PLXNA4: variants seen among roughly 807,000 people sequenced by gnomAD.
PLXNA4 encodes the protein plexin A4.
In PLXNA4, 44 loss-of-function variants were observed where a neutral mutation model predicts 191.8. The ratio of observed to expected loss-of-function variants is 0.23; its 90% CI spans 0.18 to 0.29. The LOEUF (loss-of-function observed/expected upper bound fraction) is 0.29. PLXNA4 is among the 10% of genes least tolerant of loss of function. PLXNA4 has a pLI of 1.00. For synonymous variants in PLXNA4, 1,082 were observed against 1,009.5 expected (o/e 1.07, Z -1.36); for missense variants, 1,800 against 2,488.8 (o/e 0.72, Z 5.89).
chr7:132,274,840 T>A (rs552110917), intron 4 of PLXNA4, among the ~76,000 whole-genome samples: 2 of 141,402 alleles, frequency 1.4e-5, no homozygotes, highest in South Asian at 4.9e-4. Context: ...ACTCCTGGCC[T>A]CAACTAATCC....
At chr7:132,532,976 A>T (rs28648960) in intron 1 of PLXNA4, among the ~76,000 whole-genome samples, 198 of 152,310 alleles carry the variant, frequency 1.3e-3, no homozygotes, top group African/African-American at 4.5e-3. Flanking sequence ...GTAGGTTGTG[A>T]TGAGGAATAA....
intron 3 of PLXNA4, among the ~76,000 whole-genome samples, chr7:132,470,652 T>C (rs1428866492): frequency 6.6e-6 from 1 of 152,196 alleles, no homozygotes; most frequent in Non-Finnish European, 1.5e-5. Context: ...GGCACACTCA[T>C]ATCACATGAG....
At chr7:132,230,497 C>T (rs1798488772) in intron 5 of PLXNA4, among the ~76,000 whole-genome samples, 1 of 152,192 alleles carries the variant, frequency 6.6e-6, no homozygotes, top group African/African-American at 2.4e-5. Flanking sequence ...AGAAAACCCC[C>T]TCCCAGGAGT....
intron 2 of PLXNA4, among the ~76,000 whole-genome samples, chr7:132,600,094 TTTTGTACTTATCA>T (rs1191619813): frequency 3.3e-5 from 5 of 152,200 alleles, no homozygotes; most frequent in Non-Finnish European, 7.4e-5. Flanking sequence ...TAATTAGGAT[TTTTGTACTTATCA>T]TAAGTGAAAT....
intron 2 of PLXNA4, among the ~76,000 whole-genome samples, chr7:132,598,928 G>A (rs912624050): frequency 5.9e-5 from 9 of 152,154 alleles, no homozygotes; most frequent in Admixed American, 1.3e-4. Context: ...CCTTTAATCC[G>A]TCTCTAGGTC....
intron 3 of PLXNA4, among the ~76,000 whole-genome samples, chr7:132,431,710 G>A (rs1563094972): frequency 6.6e-6 from 1 of 152,200 alleles, no homozygotes; most frequent in Non-Finnish European, 1.5e-5. Context: ...TCTTGGCAGA[G>A]AGAGCACAGG....
In PLXNA4 at chr7:132,125,368, C is replaced by T. The variant is rs1025517850; in HGVS notation, c.*5111G>A. ...ATAGCAGCAGCCATGTGAGATGCCA[C>T]CCCTAGCATTGTCCTCATCCAGGGA... On this transcript the variant is annotated 3_prime_UTR_variant, in exon 32 of 32. Coordinates refer to ENST00000321063, the MANE Select transcript of PLXNA4 (RefSeq NM_020911.2). 8 of 152,232 alleles carry T rather than the reference C, an allele frequency of 5.3e-5. No homozygotes were observed. Among genetic ancestry groups the T allele is most frequent in the African/African-American group, 1.9e-4 (8 of 41,536 alleles). 9.4% of individuals were successfully genotyped at this position (152,232 alleles called of 1,614,324 possible).
intron 8 of PLXNA4, among the ~76,000 whole-genome samples, 199 bp from the exon 9 acceptor site, chr7:132,223,840 C>A (rs1214155401): frequency 6.6e-6 from 1 of 152,172 alleles, no homozygotes; most frequent in Non-Finnish European, 1.5e-5. Context: ...GGTTTCCTCC[C>A]TTTCCCATAT....
At chr7:132,371,747 C>T (rs766762045) in intron 3 of PLXNA4, among the ~76,000 whole-genome samples, 5 of 152,134 alleles carry the variant, frequency 3.3e-5, no homozygotes, top group Non-Finnish European at 5.9e-5. Context: ...TTTATCAAAG[C>T]CCATGGCTGG....
intron 1 of PLXNA4, among the ~76,000 whole-genome samples, chr7:132,561,210 T>A (rs1801024585): frequency 6.6e-6 from 1 of 152,014 alleles, no homozygotes. Context: ...GGACCTCTGC[T>A]TATGAGTTCA....
intron 13 of PLXNA4, among the ~76,000 whole-genome samples, chr7:132,197,143 A>G (rs1016324983): frequency 1.3e-5 from 2 of 152,148 alleles, no homozygotes; most frequent in East Asian, 3.9e-4. Flanking sequence ...TTGAAATTGA[A>G]TAAATTTCCA....
intron 25 of PLXNA4, among the ~76,000 whole-genome samples, chr7:132,152,174 G>A (rs1269545227): frequency 6.6e-6 from 1 of 152,152 alleles, no homozygotes; most frequent in Non-Finnish European, 1.5e-5. Context: ...TAAAGCAGGG[G>A]CCAGGAAAAG....
At chr7:132,312,094 C>T (rs570872882) in intron 3 of PLXNA4, among the ~76,000 whole-genome samples, 37 of 151,832 alleles carry the variant, frequency 2.4e-4, no homozygotes, top group African/African-American at 7.3e-4. Flanking sequence ...TCCAATCAGA[C>T]GGGTGACCTT....
At chr7:132,633,164 A>G (rs1803526190) in intron 2 of PLXNA4, among the ~76,000 whole-genome samples, 1 of 152,148 alleles carries the variant, frequency 6.6e-6, no homozygotes, top group Admixed American at 6.6e-5. Context: ...AATTAAATCA[A>G]TGAAGCCAGT....
chr7:132,141,605 G>A (rs1167599498), intron 29 of PLXNA4, among the ~76,000 whole-genome samples: 1 of 152,160 alleles, frequency 6.6e-6, no homozygotes, highest in Non-Finnish European at 1.5e-5. Context: ...CCAGGGATGT[G>A]TAGGGTCCAG....
intron 2 of PLXNA4, among the ~76,000 whole-genome samples, chr7:132,605,796 CAA>C (rs1167960041): frequency 6.6e-6 from 1 of 151,980 alleles, no homozygotes; most frequent in Non-Finnish European, 1.5e-5. Flanking sequence ...TGTTCTTATA[CAA>C]AGAGGGAAAT....
intron 25 of PLXNA4, among the ~76,000 whole-genome samples, chr7:132,153,818 G>A (rs1481307591): frequency 6.6e-6 from 1 of 151,806 alleles, no homozygotes; most frequent in Non-Finnish European, 1.5e-5. Context: ...TGGGCCCAAG[G>A]GCACCCACAC....
At chr7:132,365,321 C>T (rs1456366557) in intron 3 of PLXNA4, among the ~76,000 whole-genome samples, 12 of 142,810 alleles carry the variant, frequency 8.4e-5, no homozygotes. Context: ...GTCTTTCCTA[C>T]GGCCCGCGTG....
At chr7:132,418,804 G>A (rs900866455) in intron 3 of PLXNA4, among the ~76,000 whole-genome samples, 6 of 152,176 alleles carry the variant, frequency 3.9e-5, no homozygotes, top group South Asian at 2.1e-4. Context: ...AGAAGTGAGA[G>A]GCAGAGGGTG....
Sources: allele counts gnomAD v4.1 joint callset (sites outside exome capture counted in the v4.1 genomes callset), GRCh38; gene constraint gnomAD v4.1.1; transcripts MANE v1.5; gene names NCBI Gene and HGNC (gene_info 2026-07-23, HGNC 2026-07-21).